The following CFAP45 variants were observed in gnomAD, a reference collection of about 807,000 sequenced individuals.
CFAP45 encodes the protein cilia- and flagella-associated protein 45.
A neutral mutation model predicts 75.6 loss-of-function variants in CFAP45; 43 were observed. The observed-to-expected ratio is 0.57, with a 90% CI of 0.45 to 0.73. The LOEUF (loss-of-function observed/expected upper bound fraction) is 0.73, where lower values mean the gene tolerates loss of function less well. Among genes scored for constraint, CFAP45 ranks in the 30% least tolerant of loss-of-function variants. The pLI is 0.00. For missense variants in CFAP45, 689 were observed against 701.5 expected, an observed-to-expected ratio of 0.98 and a Z score of 0.20; for synonymous variants, 223 against 244.6, an observed-to-expected ratio of 0.91 and a Z score of 0.82.
At chr1:159,889,341 T>C (rs1649772958) in intron 3 of CFAP45, among the ~76,000 whole-genome samples, 1 of 152,082 alleles carries the variant, frequency 6.6e-6, no homozygotes, top group Non-Finnish European at 1.5e-5. Context: ...GACAGGTACA[T>C]GCCAATAAGA....
At chr1:159,876,948 G>A (rs957082608) in intron 9 of CFAP45, among the ~76,000 whole-genome samples, 199 bp from the exon 10 acceptor site, 1 of 152,086 alleles carries the variant, frequency 6.6e-6, no homozygotes, top group African/African-American at 2.4e-5. Context: ...TAACCTGAGG[G>A]GTCATCTTGT....
chr1:159,882,658 G>C (rs1649579212), intron 7 of CFAP45, among the ~76,000 whole-genome samples: 1 of 152,146 alleles, frequency 6.6e-6, no homozygotes, highest in African/African-American at 2.4e-5. Flanking sequence ...GAGACTCAGG[G>C]AGTGCCTGTT....
chr1:159,882,369 A>G (rs535616911), intron 7 of CFAP45, among the ~76,000 whole-genome samples: 1 of 152,286 alleles, frequency 6.6e-6, no homozygotes, highest in East Asian at 1.9e-4. Context: ...CTGATGTATG[A>G]CATACATACA....
chr1:159,893,460 G>A (rs1218810575), intron 1 of CFAP45, among the ~76,000 whole-genome samples, 155 bp from the exon 2 acceptor site: 2 of 152,202 alleles, frequency 1.3e-5, no homozygotes, highest in South Asian at 2.1e-4. Flanking sequence ...AACCATAGGG[G>A]ACAAGGAGCA....
intron 10 of CFAP45, chr1:159,876,256 A>G (rs908766822): frequency 1.4e-5 from 6 of 429,618 alleles, no homozygotes; most frequent in African/African-American, 1.2e-4. Context: ...GTCAGAGGGC[A>G]GCAGAATGGA....
At chr1:159,893,853 G>A (rs1314144900) in intron 1 of CFAP45, among the ~76,000 whole-genome samples, 1 of 151,254 alleles carries the variant, frequency 6.6e-6, no homozygotes, top group East Asian at 1.9e-4. Flanking sequence ...TAACAATAAT[G>A]TATATTACTA....
intron 1 of CFAP45, 31 bp from the exon 2 acceptor site, chr1:159,893,336 C>T: frequency 1.2e-6 from 2 of 1,609,794 alleles, no homozygotes; most frequent in Non-Finnish European, 1.7e-6. Context: ...TTTGGGTCAT[C>T]AGTACTGAGT....
At chr1:159,885,641 C>A (rs1649660492) in intron 6 of CFAP45, among the ~76,000 whole-genome samples, 1 of 152,176 alleles carries the variant, frequency 6.6e-6, no homozygotes, top group African/African-American at 2.4e-5. Context: ...CTATTACAGG[C>A]CAAACACTCT....
Position 159,877,668 on chromosome 1 carries a change from G to A in CFAP45, c.1045-206C>T, listed in dbSNP as rs150402595. 4.1e-3 allele frequency among the ~76,000 whole-genome samples: 625 copies of A among 152,242 alleles called. 2 individuals carry two copies. Among genetic ancestry groups the A allele is most frequent in the African/African-American group, 0.014 (593 of 41,528 alleles). On this transcript the variant is annotated intron_variant, in intron 8 of 11. Coordinates refer to ENST00000368099, the MANE Select transcript of CFAP45 (RefSeq NM_012337.3). ...GAGGCAGGAGGACCACTTGAGCCCA[G>A]GAGTTCATGACCAGCCTAGGCCACA... is the stretch of plus-strand genomic sequence containing the variant.
intron 10 of CFAP45, among the ~76,000 whole-genome samples, chr1:159,874,727 A>G (rs1649359838): frequency 6.6e-6 from 1 of 152,252 alleles, no homozygotes; most frequent in South Asian, 2.1e-4. Context: ...GAGCCTAGCT[A>G]CATTTTAGAA....
intron 3 of CFAP45, 36 bp downstream of exon 3, chr1:159,890,444 G>T: frequency 1.2e-6 from 2 of 1,610,198 alleles, no homozygotes; most frequent in South Asian, 2.2e-5. Flanking sequence ...AAAGGATGAG[G>T]ACTGGACATA....
intron 2 of CFAP45, among the ~76,000 whole-genome samples, chr1:159,892,622 T>G (rs984044113): frequency 6.6e-6 from 1 of 152,256 alleles, no homozygotes; most frequent in Non-Finnish European, 1.5e-5. Context: ...AAACTCCATA[T>G]GTACCAAAAT....
intron 5 of CFAP45, among the ~76,000 whole-genome samples, chr1:159,887,010 A>G (rs1649703866): frequency 6.6e-6 from 1 of 152,186 alleles, no homozygotes; most frequent in Non-Finnish European, 1.5e-5. Flanking sequence ...CCTCTCCTCC[A>G]TAAAACTCAC....
intron 11 of CFAP45, 96 bp from the exon 12 acceptor site, chr1:159,872,659 G>A (rs1649307385): frequency 1.8e-6 from 2 of 1,086,454 alleles, no homozygotes; most frequent in East Asian, 4.8e-5. Flanking sequence ...GAACCTGGGG[G>A]CCTGCACCCC....
At chr1:159,893,707 T>C (rs1051004473) in intron 1 of CFAP45, among the ~76,000 whole-genome samples, 1 of 152,134 alleles carries the variant, frequency 6.6e-6, no homozygotes, top group Admixed American at 6.5e-5. Flanking sequence ...AAGGCCACTA[T>C]AGTTAATAAT....
At chr1:159,894,781 G>A (rs2494489) in intron 1 of CFAP45, among the ~76,000 whole-genome samples, 2,144 of 152,306 alleles carry the variant, frequency 0.014, 56 homozygotes, top group African/African-American at 0.049. Flanking sequence ...CAATGAGATG[G>A]CCCTGGACTG....
chr1:159,894,147 G>A (rs1649894683), intron 1 of CFAP45, among the ~76,000 whole-genome samples: 2 of 152,112 alleles, frequency 1.3e-5, no homozygotes, highest in South Asian at 4.1e-4. Context: ...GTTTTTTGTG[G>A]GGTTTTTTTA....
intron 8 of CFAP45, among the ~76,000 whole-genome samples, chr1:159,878,534 C>G (rs1649461583): frequency 6.6e-6 from 1 of 151,832 alleles, no homozygotes; most frequent in Non-Finnish European, 1.5e-5. Flanking sequence ...GCAGGCAGAT[C>G]ATGACGTAAA....
chr1:159,897,169 C>G (rs998274710), intron 1 of CFAP45, among the ~76,000 whole-genome samples: 2 of 152,068 alleles, frequency 1.3e-5, no homozygotes, highest in African/African-American at 4.8e-5. Context: ...GAGGCTGAGG[C>G]GGAAGGATTG....
Sources: allele counts gnomAD v4.1 joint callset (sites outside exome capture counted in the v4.1 genomes callset), GRCh38; gene constraint gnomAD v4.1.1; transcripts MANE v1.5; gene names NCBI Gene and HGNC (gene_info 2026-07-23, HGNC 2026-07-21).